The following ROBO2 variants were observed in gnomAD, a reference collection of about 807,000 sequenced individuals.
ROBO2 encodes the protein roundabout homolog 2.
In ROBO2, 53 loss-of-function variants were observed where a neutral mutation model predicts 160.8. The observed-to-expected ratio is 0.33, with a 90% CI of 0.26 to 0.41. ROBO2 has a LOEUF of 0.41. ROBO2 is among the 10% of genes least tolerant of loss of function. The pLI is 1.00. For missense variants in ROBO2, 1,577 were observed against 1,722.4 expected, an observed-to-expected ratio of 0.92 and a Z score of 1.49; for synonymous variants, 664 against 611.7, an observed-to-expected ratio of 1.09 and a Z score of -1.26.
intron 2 of ROBO2, among the ~76,000 whole-genome samples, chr3:77,152,011 C>G (rs554072277): frequency 6.6e-6 from 1 of 152,172 alleles, no homozygotes; most frequent in Non-Finnish European, 1.5e-5. Flanking sequence ...TACTACATTA[C>G]TTGAAAACAT....
chr3:76,399,902 T>C (rs960971021), intron 2 of ROBO2, among the ~76,000 whole-genome samples: 2 of 151,758 alleles, frequency 1.3e-5, no homozygotes, highest in Non-Finnish European at 2.9e-5. Context: ...TTGACTTTGA[T>C]AGAAAAATAT....
chr3:76,219,387 C>A (rs892169852), intron 2 of ROBO2, among the ~76,000 whole-genome samples: 14 of 152,136 alleles, frequency 9.2e-5, no homozygotes, highest in African/African-American at 3.4e-4. Flanking sequence ...AGTGAACAGG[C>A]AACCTACAGC....
At chr3:76,263,819 C>A (rs1471732286) in intron 2 of ROBO2, among the ~76,000 whole-genome samples, 1 of 152,054 alleles carries the variant, frequency 6.6e-6, no homozygotes, top group Non-Finnish European at 1.5e-5. Flanking sequence ...GGAACCAACC[C>A]AAATGACCAT....
chr3:76,391,408 C>T (rs2077143887), intron 2 of ROBO2, among the ~76,000 whole-genome samples: 1 of 152,058 alleles, frequency 6.6e-6, no homozygotes. Flanking sequence ...TAGAAATGTG[C>T]TTATTTAAAA....
intron 2 of ROBO2, among the ~76,000 whole-genome samples, chr3:76,784,604 A>G (rs2062857288): frequency 1.3e-5 from 2 of 151,172 alleles, no homozygotes; most frequent in Non-Finnish European, 3.0e-5. Context: ...ATGGAGATGC[A>G]TAAGATGCCA....
intron 2 of ROBO2, among the ~76,000 whole-genome samples, chr3:76,670,124 A>C (rs867923382): frequency 1.3e-5 from 2 of 152,174 alleles, no homozygotes; most frequent in African/African-American, 4.8e-5. Flanking sequence ...TTTATGCAAA[A>C]TACCTTGTAT....
At chr3:76,123,007 A>G (rs2070816938) in intron 2 of ROBO2, among the ~76,000 whole-genome samples, 2 of 152,050 alleles carry the variant, frequency 1.3e-5, no homozygotes, top group Non-Finnish European at 1.5e-5. Context: ...TCGGCCTCCC[A>G]AAGTGTTGGG....
chr3:76,189,330 A>G (rs186921514), intron 2 of ROBO2, among the ~76,000 whole-genome samples: 1,719 of 152,262 alleles, frequency 0.011, 16 homozygotes, highest in Non-Finnish European at 0.016. Context: ...TTAAGTGAAG[A>G]ATTTAGGAGA....
chr3:77,066,623 A>G (rs1395431035), intron 1 of ROBO2, among the ~76,000 whole-genome samples: 4 of 152,188 alleles, frequency 2.6e-5, no homozygotes, highest in African/African-American at 4.8e-5. Context: ...GTTAATGTAT[A>G]GAGGTATATA....
At chr3:76,638,344 A>C (rs2090451329) in intron 2 of ROBO2, among the ~76,000 whole-genome samples, 1 of 152,236 alleles carries the variant, frequency 6.6e-6, no homozygotes, top group Non-Finnish European at 1.5e-5. Context: ...TATTTAAAAT[A>C]TTGGAAGGGC....
chr3:76,960,279 G>A (rs1010627887), intron 2 of ROBO2, among the ~76,000 whole-genome samples: 7 of 152,106 alleles, frequency 4.6e-5, no homozygotes, highest in Middle Eastern at 3.4e-3. Flanking sequence ...CAACCACATA[G>A]TGACCAGAGC....
At chr3:77,408,860 G>T (rs1380530685) in intron 2 of ROBO2, among the ~76,000 whole-genome samples, 1 of 151,630 alleles carries the variant, frequency 6.6e-6, no homozygotes, top group African/African-American at 2.4e-5. Flanking sequence ...GCATAGCTGG[G>T]GCTACAGGCA....
At chr3:77,468,504 A>G (rs921069432) in intron 2 of ROBO2, among the ~76,000 whole-genome samples, 4 of 152,226 alleles carry the variant, frequency 2.6e-5, no homozygotes, top group South Asian at 2.1e-4. Flanking sequence ...CAAGTTTTAA[A>G]CATAAGTGGA....
chr3:76,381,667 T>G (rs531192451), intron 2 of ROBO2, among the ~76,000 whole-genome samples: 1 of 152,256 alleles, frequency 6.6e-6, no homozygotes, highest in African/African-American at 2.4e-5. Flanking sequence ...TTATGTTGAA[T>G]ATGTAGACTA....
At chr3:76,820,004 T>C (rs1408142746) in intron 2 of ROBO2, among the ~76,000 whole-genome samples, 1 of 152,098 alleles carries the variant, frequency 6.6e-6, no homozygotes. Flanking sequence ...CATAATTCAC[T>C]TTCACTCAAA....
intron 2 of ROBO2, among the ~76,000 whole-genome samples, chr3:76,825,232 A>T (rs1202051300): frequency 6.6e-6 from 1 of 152,178 alleles, no homozygotes; most frequent in East Asian, 1.9e-4. Context: ...CAGTGTCATT[A>T]AACAGGACAA....
intron 2 of ROBO2, among the ~76,000 whole-genome samples, chr3:77,302,321 G>A (rs1289097331): frequency 6.6e-6 from 1 of 152,022 alleles, no homozygotes; most frequent in African/African-American, 2.4e-5. Flanking sequence ...TTGAACTAAT[G>A]AATACATATA....
At chr3:77,010,188 C>CA (rs1341186032) in intron 2 of ROBO2, among the ~76,000 whole-genome samples, 1 of 152,034 alleles carries the variant, frequency 6.6e-6, no homozygotes, top group Admixed American at 6.6e-5. Flanking sequence ...ATTCAAAATT[C>CA]ATATTAGTTT....
At chr3:76,651,018 CAG>C (rs2091231534) in intron 2 of ROBO2, among the ~76,000 whole-genome samples, 1 of 152,124 alleles carries the variant, frequency 6.6e-6, no homozygotes, top group Non-Finnish European at 1.5e-5. Flanking sequence ...TTTTATTAGT[CAG>C]AAGCCTTACT....
Sources: gnomAD v4.1 joint callset for allele counts (sites outside exome capture counted in the v4.1 genomes callset) on GRCh38, gnomAD v4.1.1 for gene constraint, MANE v1.5 for transcripts, NCBI Gene and HGNC (gene_info 2026-07-23, HGNC 2026-07-21) for gene names.